The following RANBP2 variants were observed in gnomAD, a reference collection of about 807,000 sequenced individuals.
The protein encoded by RANBP2 is RAN binding protein 2.
A neutral mutation model predicts 303.6 loss-of-function variants in RANBP2; 57 were observed. The ratio of observed to expected loss-of-function variants is 0.19; its 90% CI spans 0.15 to 0.23. The LOEUF (loss-of-function observed/expected upper bound fraction) is 0.23, where lower values mean the gene tolerates loss of function less well. Ranked by LOEUF, RANBP2 falls within the 10% of genes least tolerant of loss-of-function variation. The pLI is 1.00. For missense variants in RANBP2, 3,138 were observed against 3,780.8 expected, an observed-to-expected ratio of 0.83 and a Z score of 4.46; for synonymous variants, 1,167 against 1,301.5, an observed-to-expected ratio of 0.90 and a Z score of 2.23.
chr2:109,049,979 C>T, the RANBP2 span, among the ~76,000 whole-genome samples: 322 of 152,220 alleles, frequency 2.1e-3, 3 homozygotes, highest in Middle Eastern at 0.014. Context: ...CCACCGTGAG[C>T]GTGTATTTGT....
At chr2:109,580,014 G>C in the RANBP2 span, among the ~76,000 whole-genome samples, 2 of 151,604 alleles carry the variant, frequency 1.3e-5, no homozygotes, top group Non-Finnish European at 2.9e-5. Context: ...CCAGCTACTC[G>C]GGAGGCTGAG....
the RANBP2 span, among the ~76,000 whole-genome samples, chr2:109,426,046 T>C: frequency 1.3e-5 from 2 of 152,178 alleles, no homozygotes; most frequent in Non-Finnish European, 2.9e-5. Context: ...TACAGGCGCA[T>C]GCCACCACGC....
chr2:108,816,226 A>G, the RANBP2 span: 1 of 679,436 alleles, frequency 1.5e-6, no homozygotes, highest in Admixed American at 3.1e-5. Flanking sequence ...CGAGCTGGGC[A>G]GATCACCTGA....
intron 9 of RANBP2, among the ~76,000 whole-genome samples, chr2:108,749,904 C>T (rs1158167403): frequency 1.3e-5 from 2 of 152,134 alleles, no homozygotes; most frequent in African/African-American, 4.8e-5. Flanking sequence ...AATCCCAGCA[C>T]TTTGGGAGGC....
chr2:108,906,357 C>T, the RANBP2 span: 2 of 1,614,156 alleles, frequency 1.2e-6, no homozygotes, highest in Non-Finnish European at 1.7e-6. Context: ...TCTTTTTCCT[C>T]CGGCTTTGAA....
the RANBP2 span, chr2:109,616,740 T>C: frequency 8.4e-5 from 14 of 167,126 alleles, no homozygotes; most frequent in African/African-American, 3.4e-4. Context: ...CATTCACTTC[T>C]GTAGTATGGT....
the RANBP2 span, among the ~76,000 whole-genome samples, chr2:109,200,285 C>G: frequency 6.6e-6 from 1 of 152,116 alleles, no homozygotes; most frequent in Non-Finnish European, 1.5e-5. Flanking sequence ...TCTCAGTGGG[C>G]GTCTGTTTGC....
the RANBP2 span, among the ~76,000 whole-genome samples, chr2:108,838,897 T>C: frequency 6.6e-6 from 1 of 152,162 alleles, no homozygotes; most frequent in Non-Finnish European, 1.5e-5. Context: ...GTTACATATA[T>C]ACTATAAACT....
At chr2:108,797,402 G>A in the RANBP2 span, among the ~76,000 whole-genome samples, 3,317 of 152,296 alleles carry the variant, frequency 0.022, 117 homozygotes, top group African/African-American at 0.076. Flanking sequence ...GGACTGAAAA[G>A]TGACCTTTAG....
the RANBP2 span, among the ~76,000 whole-genome samples, chr2:108,910,126 G>A: frequency 1.4e-4 from 22 of 152,180 alleles, no homozygotes; most frequent in African/African-American, 4.1e-4. Context: ...TGTGTTGGCC[G>A]CAACAGGCAT....
the RANBP2 span, among the ~76,000 whole-genome samples, chr2:109,041,254 A>T: frequency 2.6e-5 from 4 of 152,196 alleles, no homozygotes; most frequent in Non-Finnish European, 5.9e-5. Flanking sequence ...CGAGTATAGC[A>T]TTCAAAGATA....
the RANBP2 span, among the ~76,000 whole-genome samples, chr2:108,905,666 C>G: frequency 6.6e-6 from 1 of 152,148 alleles, no homozygotes; most frequent in Non-Finnish European, 1.5e-5. Context: ...AACCCCTGAC[C>G]TCAGCCATGA....
the RANBP2 span, among the ~76,000 whole-genome samples, chr2:109,487,794 C>T: frequency 3.3e-5 from 5 of 152,294 alleles, no homozygotes; most frequent in South Asian, 2.1e-4. Context: ...CTCTCCCCGA[C>T]GGGCCCAAGA....
chr2:109,252,920 C>T, the RANBP2 span, among the ~76,000 whole-genome samples: 4 of 152,206 alleles, frequency 2.6e-5, no homozygotes, highest in African/African-American at 7.2e-5. Flanking sequence ...GTCAGCCCAT[C>T]GTAAGTAGGG....
chr2:109,552,420 T>G, the RANBP2 span: 1 of 152,232 alleles, frequency 6.6e-6, no homozygotes, highest in African/African-American at 2.4e-5. Context: ...TTATAGCTCA[T>G]GGTTAAGATA....
chr2:109,738,884 T>C, the RANBP2 span, among the ~76,000 whole-genome samples: 9 of 150,664 alleles, frequency 6.0e-5, no homozygotes, highest in African/African-American at 2.2e-4. Flanking sequence ...TTTCATAGTT[T>C]AAGGTCTTAA....
the RANBP2 span, among the ~76,000 whole-genome samples, chr2:109,609,265 A>G: frequency 6.6e-6 from 1 of 152,184 alleles, no homozygotes; most frequent in Non-Finnish European, 1.5e-5. Context: ...ATTGTCCAAG[A>G]TAACATACTT....
the RANBP2 span, among the ~76,000 whole-genome samples, chr2:109,051,779 C>T: frequency 8.6e-5 from 13 of 150,384 alleles, no homozygotes; most frequent in South Asian, 2.1e-4. Flanking sequence ...GACAGAGTCT[C>T]GCTCTGTCGC....
the RANBP2 span, among the ~76,000 whole-genome samples, chr2:108,794,312 C>G: frequency 2.6e-5 from 4 of 152,100 alleles, no homozygotes. Context: ...GAAATCATTT[C>G]AGACTTACAG....
Sources: allele counts gnomAD v4.1 joint callset (sites outside exome capture counted in the v4.1 genomes callset), GRCh38; gene constraint gnomAD v4.1.1; transcripts MANE v1.5; gene names NCBI Gene and HGNC (gene_info 2026-07-23, HGNC 2026-07-21).